The following CPAP variants were observed in gnomAD, a reference collection of about 807,000 sequenced individuals.
CPAP encodes centrosomal P4.1-associated protein.
At chr13:24,887,334 G>A in the CPAP span, among the ~76,000 whole-genome samples, 1 of 152,184 alleles carries the variant, frequency 6.6e-6, no homozygotes, top group African/African-American at 2.4e-5. Flanking sequence ...TGTAGGAACT[G>A]GGCCACACAG....
the CPAP span, chr13:24,906,058 T>C: frequency 6.2e-7 from 1 of 1,613,782 alleles, no homozygotes; most frequent in African/African-American, 1.3e-5. Flanking sequence ...CTGAGGACAA[T>C]GAATGAAGTT....
At chr13:24,918,775 T>C in the CPAP span, among the ~76,000 whole-genome samples, 1 of 152,180 alleles carries the variant, frequency 6.6e-6, no homozygotes, top group African/African-American at 2.4e-5. Flanking sequence ...AAGGTCTTTG[T>C]GTCACTAGTC....
chr13:24,883,410 T>C, the CPAP span: 1 of 1,418,548 alleles, frequency 7.0e-7, no homozygotes, highest in Non-Finnish European at 9.7e-7. Context: ...AAAAAAAAAA[T>C]AATAGAAAAT....
chr13:24,921,313 G>A, the CPAP span, among the ~76,000 whole-genome samples: 1 of 151,476 alleles, frequency 6.6e-6, no homozygotes, highest in Non-Finnish European at 1.5e-5. Context: ...CTCGAAGAGC[G>A]ACAGATATAA....
chr13:24,898,645 G>A, the CPAP span, among the ~76,000 whole-genome samples: 1 of 152,108 alleles, frequency 6.6e-6, no homozygotes, highest in Non-Finnish European at 1.5e-5. Flanking sequence ...GAGAATTAAA[G>A]ACCCTGAACA....
At chr13:24,900,192 T>C in the CPAP span, among the ~76,000 whole-genome samples, 8 of 152,018 alleles carry the variant, frequency 5.3e-5, no homozygotes, top group Admixed American at 6.5e-5. Context: ...GTCACAAGGG[T>C]GTCCACACAC....
At chr13:24,886,207 C>T in the CPAP span, 1 of 754,208 alleles carries the variant, frequency 1.3e-6, no homozygotes. Context: ...ATCCTATGTG[C>T]CAATGGATCA....
At chr13:24,909,260 C>T in the CPAP span, among the ~76,000 whole-genome samples, 1 of 152,138 alleles carries the variant, frequency 6.6e-6, no homozygotes, top group African/African-American at 2.4e-5. Flanking sequence ...GGTGCAGTAG[C>T]TCAGATCTGC....
the CPAP span, chr13:24,884,249 TA>T: frequency 6.2e-7 from 1 of 1,614,130 alleles, no homozygotes; most frequent in Middle Eastern, 1.6e-4. Context: ...AGTAGATCTG[TA>T]AAGACACACA....
the CPAP span, among the ~76,000 whole-genome samples, chr13:24,917,571 G>A: frequency 6.6e-6 from 1 of 152,224 alleles, no homozygotes; most frequent in African/African-American, 2.4e-5. Context: ...AGTGTCAATG[G>A]ACTGATTCTG....
At chr13:24,898,872 TTC>T in the CPAP span, among the ~76,000 whole-genome samples, 1 of 152,246 alleles carries the variant, frequency 6.6e-6, no homozygotes, top group Non-Finnish European at 1.5e-5. Flanking sequence ...TATCCATTTT[TTC>T]TTTTATAGTT....
chr13:24,886,337 A>G, the CPAP span: 14 of 1,289,170 alleles, frequency 1.1e-5, no homozygotes, highest in Non-Finnish European at 1.3e-5. Flanking sequence ...GAGCGGAGGC[A>G]GGTGGTCAGC....
At chr13:24,909,131 T>C in the CPAP span, among the ~76,000 whole-genome samples, 3 of 152,168 alleles carry the variant, frequency 2.0e-5, no homozygotes, top group African/African-American at 7.2e-5. Flanking sequence ...TTTCTAGATG[T>C]TTGAAATTTT....
chr13:24,929,328 T>A, the CPAP span, among the ~76,000 whole-genome samples: 10 of 152,226 alleles, frequency 6.6e-5, no homozygotes, highest in Admixed American at 4.6e-4. Context: ...TCCCAAAGTG[T>A]TGGGATTACA....
the CPAP span, chr13:24,933,396 C>A: frequency 6.9e-6 from 2 of 291,708 alleles, no homozygotes; most frequent in African/African-American, 2.1e-5. Flanking sequence ...TAGAGCACAG[C>A]CAAATATGAA....
At chr13:24,897,697 G>C in the CPAP span, among the ~76,000 whole-genome samples, 161 of 152,258 alleles carry the variant, frequency 1.1e-3, 1 homozygote, top group Middle Eastern at 0.014. Flanking sequence ...AAAACATCAT[G>C]AATGTATATA....
the CPAP span, chr13:24,906,510 A>G: frequency 3.1e-6 from 5 of 1,614,186 alleles, no homozygotes; most frequent in African/African-American, 1.3e-5. Context: ...CCAGTATCGC[A>G]AGGTTTTGGA....
chr13:24,908,252 A>G, the CPAP span: 3 of 664,536 alleles, frequency 4.5e-6, no homozygotes, highest in Admixed American at 2.5e-5. Flanking sequence ...CACAGATTTT[A>G]CAACACTCAA....
chr13:24,887,148 A>G, the CPAP span, among the ~76,000 whole-genome samples: 1 of 152,238 alleles, frequency 6.6e-6, no homozygotes, highest in Non-Finnish European at 1.5e-5. Flanking sequence ...GCACTGCCCA[A>G]AGGGAAAAAC....
Sources: gnomAD v4.1 joint callset for allele counts (sites outside exome capture counted in the v4.1 genomes callset) on GRCh38, gnomAD v4.1.1 for gene constraint, MANE v1.5 for transcripts, NCBI Gene and HGNC (gene_info 2026-07-23, HGNC 2026-07-21) for gene names.